Variants in HS6ST3 observed in about 807,000 individuals in gnomAD.
HS6ST3 encodes the protein heparan-sulfate 6-O-sulfotransferase 3.
A neutral mutation model predicts 36.7 loss-of-function variants in HS6ST3; 12 were observed. The observed-to-expected ratio is 0.33, with a 90% CI of 0.21 to 0.53. The LOEUF (loss-of-function observed/expected upper bound fraction) is 0.53. HS6ST3 is among the 20% of genes least tolerant of loss of function. The pLI is 0.95. For synonymous variants in HS6ST3, 240 were observed against 257.5 expected, an observed-to-expected ratio of 0.93 and a Z score of 0.65; for missense variants, 584 against 640.9, an observed-to-expected ratio of 0.91 and a Z score of 0.96.
chr13:96,583,372 C>A (rs907433397), intron 1 of HS6ST3, among the ~76,000 whole-genome samples: 2 of 151,602 alleles, frequency 1.3e-5, no homozygotes, highest in Admixed American at 6.6e-5. Context: ...TGCCACCACA[C>A]CTGACTAGCT....
At chr13:96,251,838 G>T (rs1252827667) in intron 1 of HS6ST3, among the ~76,000 whole-genome samples, 1 of 151,916 alleles carries the variant, frequency 6.6e-6, no homozygotes, top group African/African-American at 2.4e-5. Flanking sequence ...GGAGTGTGTT[G>T]CTTAATTTCT....
chr13:96,653,057 A>T (rs2056612971), intron 1 of HS6ST3, among the ~76,000 whole-genome samples: 1 of 151,574 alleles, frequency 6.6e-6, no homozygotes, highest in Non-Finnish European at 1.5e-5. Flanking sequence ...CTGTTTGGGG[A>T]CTCATTTTTG....
chr13:96,266,182 G>A, intron 1 of HS6ST3, among the ~76,000 whole-genome samples: 1 of 152,126 alleles, frequency 6.6e-6, no homozygotes, highest in East Asian at 1.9e-4. Context: ...CTGATGTTTT[G>A]TGGAAAATAC....
chr13:96,810,360 C>T (rs1038955383), intron 1 of HS6ST3, among the ~76,000 whole-genome samples: 1 of 152,128 alleles, frequency 6.6e-6, no homozygotes, highest in Middle Eastern at 3.2e-3. Context: ...CTTCCCCACC[C>T]CCAACCAGGC....
chr13:96,193,588 TA>T (rs1467374077), intron 1 of HS6ST3, among the ~76,000 whole-genome samples: 1 of 152,062 alleles, frequency 6.6e-6, no homozygotes, highest in African/African-American at 2.4e-5. Flanking sequence ...CTTAAATATT[TA>T]GGGTGATACT....
intron 1 of HS6ST3, among the ~76,000 whole-genome samples, chr13:96,298,304 G>A (rs2139402269): frequency 6.6e-6 from 1 of 152,272 alleles, no homozygotes; most frequent in Non-Finnish European, 1.5e-5. Context: ...ACTCAGATAA[G>A]CATGGTTTGG....
chr13:96,120,910 G>A (rs757766423), intron 1 of HS6ST3, among the ~76,000 whole-genome samples: 1 of 152,190 alleles, frequency 6.6e-6, no homozygotes, highest in African/African-American at 2.4e-5. Context: ...GGTCATTACA[G>A]GTCAGTCTCA....
Position 96,275,528 on chromosome 13 carries a change from A to G in HS6ST3, c.707+183959A>G, listed in dbSNP as rs974900246. Among the ~76,000 whole-genome samples the G allele has an allele frequency of 3.2e-4, 48 of 152,296 alleles. 1 individual carries two copies. The highest frequency in any genetic ancestry group is 2.4e-5 in the African/African-American group (1 of 41,568). Reference sequence around the variant, plus strand: ...ATGTATTCATTTTTTCCCCATTTCTATAGAAATTTCTAATCACAATAGAAC... The same window carrying G: ...ATGTATTCATTTTTTCCCCATTTCTGTAGAAATTTCTAATCACAATAGAAC... On this transcript the variant is annotated intron_variant, in intron 1 of 1. Coordinates refer to ENST00000376705, the MANE Select transcript of HS6ST3 (RefSeq NM_153456.4).
At chr13:96,619,118 T>C (rs74630633) in intron 1 of HS6ST3, among the ~76,000 whole-genome samples, 1,902 of 152,206 alleles carry the variant, frequency 0.012, 43 homozygotes, top group African/African-American at 0.044. Flanking sequence ...TCTTTGACAA[T>C]GATTACAGTA....
intron 1 of HS6ST3, among the ~76,000 whole-genome samples, chr13:96,787,000 C>T (rs1200379808): frequency 6.6e-6 from 1 of 151,956 alleles, no homozygotes; most frequent in Non-Finnish European, 1.5e-5. Context: ...TTGAAATGAC[C>T]TTTTTTCACA....
At chr13:96,823,174 T>C (rs930198077) in intron 1 of HS6ST3, among the ~76,000 whole-genome samples, 1 of 152,220 alleles carries the variant, frequency 6.6e-6, no homozygotes, top group Non-Finnish European at 1.5e-5. Context: ...GCTTTGACTG[T>C]GCCTGGATAC....
At chr13:96,445,388 A>T (rs899654576) in intron 1 of HS6ST3, among the ~76,000 whole-genome samples, 5 of 152,112 alleles carry the variant, frequency 3.3e-5, no homozygotes, top group African/African-American at 7.2e-5. Flanking sequence ...TTTATACTTA[A>T]AAAGTAGTTT....
intron 1 of HS6ST3, among the ~76,000 whole-genome samples, chr13:96,721,864 T>A (rs1257998913): frequency 1.3e-5 from 2 of 152,254 alleles, no homozygotes; most frequent in East Asian, 1.9e-4. Context: ...ATATAAAGGG[T>A]CTTATTTCAC....
chr13:96,739,985 T>G (rs561626147), intron 1 of HS6ST3, among the ~76,000 whole-genome samples: 5 of 152,278 alleles, frequency 3.3e-5, no homozygotes, highest in African/African-American at 1.2e-4. Context: ...TTCAAGTCTG[T>G]GCAAATGTCA....
At chr13:96,135,114 G>C (rs1314140337) in intron 1 of HS6ST3, among the ~76,000 whole-genome samples, 1 of 152,158 alleles carries the variant, frequency 6.6e-6, no homozygotes, top group African/African-American at 2.4e-5. Context: ...AGGCTGTATA[G>C]TGAGATCACA....
intron 1 of HS6ST3, among the ~76,000 whole-genome samples, chr13:96,244,699 A>T (rs2054576752): frequency 6.6e-6 from 1 of 152,194 alleles, no homozygotes; most frequent in South Asian, 2.1e-4. Flanking sequence ...CTAGTTTTAA[A>T]TTTATTACAG....
At chr13:96,608,528 C>G (rs551150372) in intron 1 of HS6ST3, among the ~76,000 whole-genome samples, 1 of 152,306 alleles carries the variant, frequency 6.6e-6, no homozygotes, top group Non-Finnish European at 1.5e-5. Flanking sequence ...GACAAAGGAA[C>G]ATGCTGAACT....
chr13:96,209,473 A>T (rs1295163383), intron 1 of HS6ST3, among the ~76,000 whole-genome samples: 1 of 152,194 alleles, frequency 6.6e-6, no homozygotes, highest in Non-Finnish European at 1.5e-5. Context: ...TCTCAAGCTC[A>T]TTATCTGTTA....
At chr13:96,688,078 G>A (rs1874835312) in intron 1 of HS6ST3, among the ~76,000 whole-genome samples, 1 of 4,034 alleles carries the variant, frequency 2.5e-4, no homozygotes, top group African/African-American at 3.0e-4. Flanking sequence ...TCATGGAATG[G>A]GGGGGGGGGA....
Sources: allele counts gnomAD v4.1 joint callset (sites outside exome capture counted in the v4.1 genomes callset), GRCh38; gene constraint gnomAD v4.1.1; transcripts MANE v1.5; gene names NCBI Gene and HGNC (gene_info 2026-07-23, HGNC 2026-07-21).